RTN4RL1: variants seen among roughly 807,000 people sequenced by gnomAD.
RTN4RL1 encodes reticulon 4 receptor like 1.
A neutral mutation model predicts 25.6 loss-of-function variants in RTN4RL1; 7 were observed. The ratio of observed to expected loss-of-function variants is 0.27; its 90% CI spans 0.16 to 0.51. RTN4RL1 has a LOEUF of 0.51. Among genes scored for constraint, RTN4RL1 ranks in the 20% least tolerant of loss-of-function variants. The pLI, the probability that RTN4RL1 is intolerant of heterozygous loss-of-function variation, is 0.97. For synonymous variants in RTN4RL1, 297 were observed against 288.2 expected (o/e 1.03, Z -0.31); for missense variants, 500 against 615.6 (o/e 0.81, Z 1.99).
intron 1 of RTN4RL1, among the ~76,000 whole-genome samples, chr17:2,000,227 C>T (rs527652558): frequency 4.7e-4 from 71 of 152,358 alleles, no homozygotes; most frequent in Non-Finnish European, 4.6e-4. Flanking sequence ...CCTGGGTTGG[C>T]TCCTGGAGCC....
In RTN4RL1 at chr17:1,988,522, AG is replaced by A. The variant is rs67475709; in HGVS notation, c.13+36330del. 1.8e-3 allele frequency among the ~76,000 whole-genome samples: 155 copies of A among 85,374 alleles called. 4 individuals carry two copies. The highest frequency in any genetic ancestry group is 6.2e-3 in the African/African-American group (138 of 22,240). The allele number at this position is 85,374 out of a possible 152,430, so 56.0% of individuals were successfully genotyped here. On this transcript the variant is annotated intron_variant, in intron 1 of 1. Coordinates refer to ENST00000331238, the MANE Select transcript of RTN4RL1 (RefSeq NM_178568.4). ...ACTCTGTCTCAAAAAAAAAAAAAAA[AG>A]AAAAGAAAAGAAAAAGAAAGAATTA...
At chr17:1,958,179 G>C (rs1453983049) in intron 1 of RTN4RL1, among the ~76,000 whole-genome samples, 2 of 152,174 alleles carry the variant, frequency 1.3e-5, no homozygotes, top group Admixed American at 6.5e-5. Context: ...GACAAAGTGA[G>C]ATTGTGTCTC....
At chr17:1,954,942 A>C (rs940689375) in intron 1 of RTN4RL1, among the ~76,000 whole-genome samples, 10 of 152,134 alleles carry the variant, frequency 6.6e-5, no homozygotes, top group African/African-American at 2.4e-4. Context: ...ACTACCAGCC[A>C]TTTCCAGCCT....
rs548974285 is a variant in RTN4RL1, at chr17:1,963,312, G to A, written c.14-25504C>T. On this transcript the variant is annotated intron_variant, in intron 1 of 1. Coordinates refer to ENST00000331238, the MANE Select transcript of RTN4RL1 (RefSeq NM_178568.4). ...GATTGAATCAGGCCTGGCTGACCCA[G>A]CCCCGTGGCTCTGGGAGTCCAGCTG... 3.9e-5 allele frequency among the ~76,000 whole-genome samples: 6 copies of A among 152,314 alleles called. No individual in the cohort carries two copies. In the South Asian group the frequency reaches 1.0e-3, roughly 26 times the overall value.
intron 1 of RTN4RL1, among the ~76,000 whole-genome samples, chr17:1,945,859 G>A (rs1488393447): frequency 1.3e-5 from 2 of 152,260 alleles, no homozygotes; most frequent in Non-Finnish European, 2.9e-5. Flanking sequence ...CTGGATGAAG[G>A]AAGAATCTTT....
intron 1 of RTN4RL1, among the ~76,000 whole-genome samples, chr17:2,021,058 C>G (rs1305083699): frequency 6.6e-6 from 1 of 152,154 alleles, no homozygotes; most frequent in African/African-American, 2.4e-5. Context: ...GCAGGGAGGG[C>G]AGCTGCTGAA....
intron 1 of RTN4RL1, among the ~76,000 whole-genome samples, chr17:1,982,613 C>CAAAAGAAAAGAAAAGAAAAGAAAAG (rs71150842): frequency 2.0e-4 from 30 of 148,980 alleles, no homozygotes; most frequent in Non-Finnish European, 3.4e-4. Flanking sequence ...GACTCCGTCT[C>CAAAAGAAAAGAAAAGAAAAGAAAAG]AAAAGAAAAG....
intron 1 of RTN4RL1, among the ~76,000 whole-genome samples, chr17:1,992,817 G>A (rs62066861): frequency 0.1 from 15,451 of 152,244 alleles, 1,016 homozygotes; most frequent in Non-Finnish European, 0.14. Flanking sequence ...CGTCGCCCAC[G>A]TGTGTCCTAC....
chr17:2,018,279 G>A (rs1358370025), intron 1 of RTN4RL1, among the ~76,000 whole-genome samples: 1 of 152,318 alleles, frequency 6.6e-6, no homozygotes, highest in Non-Finnish European at 1.5e-5. Flanking sequence ...CATGGCCCTG[G>A]GCCCTCCTCA....
intron 1 of RTN4RL1, among the ~76,000 whole-genome samples, chr17:1,946,536 T>A (rs1010570190): frequency 2.6e-5 from 4 of 151,274 alleles, no homozygotes; most frequent in African/African-American, 7.3e-5. Flanking sequence ...TGTGTCTGTG[T>A]GTGCATGGCA....
chr17:1,986,765 T>C (rs1567517382), intron 1 of RTN4RL1, among the ~76,000 whole-genome samples: 3 of 150,818 alleles, frequency 2.0e-5, no homozygotes, highest in African/African-American at 7.4e-5. Flanking sequence ...AAAAAATTCA[T>C]AGCCAGGAGT....
intron 1 of RTN4RL1, among the ~76,000 whole-genome samples, chr17:1,976,612 T>C (rs2066843697): frequency 6.6e-6 from 1 of 152,162 alleles, no homozygotes; most frequent in African/African-American, 2.4e-5. Context: ...CCCAGGGCTG[T>C]TGGGAGGCCG....
rs939962709 is a variant in RTN4RL1 at position 1,994,678 on chromosome 17, G to A, written c.13+30175C>T. On this transcript the variant is annotated intron_variant, in intron 1 of 1. Transcript: ENST00000331238. The surrounding 1 kb of genome is among the most constrained non-coding windows in gnomAD (Gnocchi z 4.3). ...CAGCTCCGCCACTGACAGGCCCGGT[G>A]ACCTCGGTCAACACAAGCAGGCTCT... 2.0e-5 allele frequency among the ~76,000 whole-genome samples: 3 copies of A among 152,118 alleles called. No individual in the cohort carries two copies. The South Asian group carries it at 6.2e-4, about 32-fold the overall frequency.
rs921743726 is a variant in RTN4RL1, at chr17:1,998,144, G to A, written c.13+26709C>T. 6.6e-6 allele frequency among the ~76,000 whole-genome samples: 1 copy of A among 152,154 alleles called. No individual in the cohort carries two copies. The highest frequency in any genetic ancestry group is 1.5e-5 in the Non-Finnish European group (1 of 68,002). On this transcript the variant is annotated intron_variant, in intron 1 of 1. Transcript: ENST00000331238. The surrounding 1 kb of genome is among the most constrained non-coding windows in gnomAD (Gnocchi z 4.9). ...GGAGCCAGACGGCGGCGGAGGGGGC[G>A]GGGAGGCCTCCTTGGCTCCCTGGCC...
intron 1 of RTN4RL1, chr17:2,002,959 C>T (rs1208934973): frequency 6.6e-6 from 1 of 152,278 alleles, no homozygotes; most frequent in African/African-American, 2.4e-5. Context: ...TTTTATGTAC[C>T]TGCTGCTCTC....
chr17:2,013,431 C>T (rs1047175488), intron 1 of RTN4RL1, among the ~76,000 whole-genome samples: 2 of 152,232 alleles, frequency 1.3e-5, no homozygotes, highest in African/African-American at 4.8e-5. Context: ...TTCTTTGCCT[C>T]AGGGCTTTCT....
At position 1,936,785 on chromosome 17, in the gene RTN4RL1, CG is replaced by C; in HGVS notation, c.1036del (p.Arg346GlyfsTer121). 4.4e-6 allele frequency: 7 copies of C among 1,590,420 alleles called. No homozygotes were observed. Among genetic ancestry groups the C allele is most frequent in the Non-Finnish European group, 5.1e-6 (6 of 1,169,808 alleles). The stretch of plus-strand genomic sequence containing the variant: ...CTTCCCCGGCTTCCTGTGGCCGGGC[CG>C]GGGGCCGTGCGGGTGGCCCTTGCTC... ...TRSKGHPHGP[R>X]PGHRKPGKNC... On this transcript the variant is annotated frameshift_variant, in exon 2 of 2. Coordinates refer to ENST00000331238, the MANE Select transcript of RTN4RL1 (RefSeq NM_178568.4). LOFTEE classifies it high-confidence loss of function.
At chr17:1,958,833 T>G (rs944181278) in intron 1 of RTN4RL1, among the ~76,000 whole-genome samples, 1 of 152,186 alleles carries the variant, frequency 6.6e-6, no homozygotes, top group Non-Finnish European at 1.5e-5. Flanking sequence ...AATAATGAGT[T>G]GGTATAAAAA....
At chr17:1,948,829 G>T (rs1033655799) in intron 1 of RTN4RL1, among the ~76,000 whole-genome samples, 1 of 152,014 alleles carries the variant, frequency 6.6e-6, no homozygotes, top group Non-Finnish European at 1.5e-5. Context: ...GACAATCTCA[G>T]TCGCCCAGGC....
Sources: gnomAD v4.1 joint callset for allele counts (sites outside exome capture counted in the v4.1 genomes callset) on GRCh38, gnomAD v4.1.1 for gene constraint, Gnocchi (gnomAD v3.1) non-coding constraint, MANE v1.5 for transcripts, NCBI Gene and HGNC (gene_info 2026-07-23, HGNC 2026-07-21) for gene names.